MTX2: variants seen among roughly 807,000 people sequenced by gnomAD.
MTX2 encodes the protein metaxin 2, also known as metaxin-2.
MTX2 carries 35 observed loss-of-function variants against 42.3 expected under a neutral mutation model. The observed-to-expected ratio is 0.83, with a 90% CI of 0.63 to 1.10. MTX2 has a LOEUF of 1.10. MTX2 is among the 50% of genes least tolerant of loss of function. The probability of loss-of-function intolerance (pLI) is 0.00; values close to 1 mark genes in which losing one functional copy is unlikely to be tolerated. For missense variants in MTX2, 307 were observed against 304.1 expected, an observed-to-expected ratio of 1.01 and a Z score of -0.07; for synonymous variants, 119 against 100.9, an observed-to-expected ratio of 1.18 and a Z score of -1.08.
At chr2:176,285,379 T>G (rs1488130318) in intron 1 of MTX2, among the ~76,000 whole-genome samples, 1 of 152,116 alleles carries the variant, frequency 6.6e-6, no homozygotes, top group Non-Finnish European at 1.5e-5. Context: ...TTCAGTGATT[T>G]TTAGTATATT....
At chr2:176,273,404 A>C (rs1692870125) in intron 1 of MTX2, among the ~76,000 whole-genome samples, 1 of 152,208 alleles carries the variant, frequency 6.6e-6, no homozygotes, top group Non-Finnish European at 1.5e-5. Context: ...GGTTGGAGTT[A>C]TGTATCTATA....
intron 1 of MTX2, among the ~76,000 whole-genome samples, chr2:176,285,233 T>C (rs1237800120): frequency 6.6e-6 from 1 of 152,072 alleles, no homozygotes; most frequent in African/African-American, 2.4e-5. Flanking sequence ...AAAATAATAA[T>C]AGTGTCTACC....
chr2:176,326,717 G>A, intron 4 of MTX2, 108 bp from the exon 5 acceptor site: 1 of 698,654 alleles, frequency 1.4e-6, no homozygotes, highest in Non-Finnish European at 2.3e-6. Flanking sequence ...ACAGTTTTAT[G>A]AAATCCCTAT....
chr2:176,317,597 T>C (rs1684478320), intron 3 of MTX2, among the ~76,000 whole-genome samples: 1 of 152,180 alleles, frequency 6.6e-6, no homozygotes, highest in Non-Finnish European at 1.5e-5. Flanking sequence ...TGTTTGTCAC[T>C]ATTCCTAGCC....
chr2:176,285,385 A>G (rs949395126), intron 1 of MTX2, among the ~76,000 whole-genome samples: 5 of 145,088 alleles, frequency 3.4e-5, no homozygotes, highest in Admixed American at 2.7e-4. Context: ...GATTTTTAGT[A>G]TATTTACATA....
rs1262839856 is a variant in MTX2, at chr2:176,323,466, T to TA, written c.208+4dup. The TA allele has an allele frequency of 6.2e-7, 1 of 1,608,300 alleles. No homozygotes were observed. On this transcript the variant is annotated splice_region_variant and intron_variant, in intron 4 of 9. Coordinates refer to ENST00000249442, the MANE Select transcript of MTX2 (RefSeq NM_006554.5). ...ATGCAGAATATATGTCTCCATCTGGTAAGTGTGTTTTTTTTTCTTCTCTGT... is the reference window on the plus strand; with the variant it reads ...ATGCAGAATATATGTCTCCATCTGGTAAAGTGTGTTTTTTTTTCTTCTCTGT...
At chr2:176,316,327 TG>T (rs1684437959) in intron 3 of MTX2, among the ~76,000 whole-genome samples, 1 of 152,136 alleles carries the variant, frequency 6.6e-6, no homozygotes, top group East Asian at 1.9e-4. Context: ...AGAGGAGAAA[TG>T]TCTTTTGGAA....
intron 8 of MTX2, among the ~76,000 whole-genome samples, chr2:176,329,775 T>TC (rs1268251293): frequency 6.6e-5 from 10 of 150,418 alleles, no homozygotes; most frequent in African/African-American, 2.4e-4. Flanking sequence ...AGGGTTTTTT[T>TC]TTTTTTTTAA....
chr2:176,328,434 T>G, intron 6 of MTX2, 49 bp downstream of exon 6: 1 of 1,175,110 alleles, frequency 8.5e-7, no homozygotes. Flanking sequence ...TCTCTCATTC[T>G]CATAAAATAT....
At position 176,303,200 on chromosome 2, in the gene MTX2, AATAAT is replaced by A. The variant is rs1238899307; in HGVS notation, c.135+5313_135+5317del. On this transcript the variant is annotated intron_variant, in intron 3 of 9. Coordinates refer to ENST00000249442, the MANE Select transcript of MTX2 (RefSeq NM_006554.5). Reference sequence around the variant, plus strand: ...TGACATGAGTGGACATATTTTAATAAATAATATAATATTTTATGAAAAAGATTTAA... The same window carrying A: ...TGACATGAGTGGACATATTTTAATAAATAATATTTTATGAAAAAGATTTAA... 3.3e-5 allele frequency among the ~76,000 whole-genome samples: 5 copies of A among 152,230 alleles called. No homozygotes were observed. The East Asian group carries it at 7.7e-4, about 23-fold the overall frequency.
intron 9 of MTX2, among the ~76,000 whole-genome samples, chr2:176,333,473 A>C (rs971706138): frequency 1.3e-5 from 2 of 151,816 alleles, no homozygotes; most frequent in African/African-American, 4.8e-5. Flanking sequence ...TAACAAAGGC[A>C]TACAGTTGTG....
chr2:176,269,803 G>T (rs973314942), intron 1 of MTX2, 134 bp downstream of exon 1: 7 of 1,101,798 alleles, frequency 6.4e-6, no homozygotes, highest in African/African-American at 1.6e-5. Flanking sequence ...AGGCGGGCAC[G>T]GACTACCAAC....
intron 1 of MTX2, among the ~76,000 whole-genome samples, chr2:176,276,957 G>C (rs1027926813): frequency 7.9e-5 from 12 of 151,994 alleles, no homozygotes; most frequent in Non-Finnish European, 1.2e-4. Flanking sequence ...AAAAAGAATG[G>C]TCGGAATATT....
At chr2:176,283,923 C>A (rs1223380205) in intron 1 of MTX2, among the ~76,000 whole-genome samples, 1 of 151,342 alleles carries the variant, frequency 6.6e-6, no homozygotes, top group African/African-American at 2.4e-5. Flanking sequence ...ATCTCATATT[C>A]ATTTTTAGTT....
At chr2:176,274,879 G>A (rs1045489042) in intron 1 of MTX2, among the ~76,000 whole-genome samples, 1 of 152,174 alleles carries the variant, frequency 6.6e-6, no homozygotes, top group Non-Finnish European at 1.5e-5. Context: ...GGTTAGAAAA[G>A]CTAGGAGGAA....
chr2:176,282,895 G>A (rs1693115640), intron 1 of MTX2, among the ~76,000 whole-genome samples: 1 of 151,878 alleles, frequency 6.6e-6, no homozygotes, highest in African/African-American at 2.4e-5. Flanking sequence ...ATAGAGACAG[G>A]GTTTCACCAT....
chr2:176,281,868 C>G (rs752066362), intron 1 of MTX2, among the ~76,000 whole-genome samples: 3 of 151,996 alleles, frequency 2.0e-5, no homozygotes, highest in African/African-American at 4.8e-5. Context: ...GATGCCTGCT[C>G]GAACATGCAT....
chr2:176,292,448 A>G (rs1693350514), intron 1 of MTX2, among the ~76,000 whole-genome samples: 1 of 152,178 alleles, frequency 6.6e-6, no homozygotes, highest in South Asian at 2.1e-4. Context: ...TCTTTTACAC[A>G]TGCTCAGGAG....
chr2:176,269,718 A>G (rs1575026354), intron 1 of MTX2, 49 bp downstream of exon 1: 1 of 1,560,896 alleles, frequency 6.4e-7, no homozygotes. Context: ...GGTCTCGGGG[A>G]GCCGCGTGGG....
Sources: gnomAD v4.1 joint callset for allele counts (sites outside exome capture counted in the v4.1 genomes callset) on GRCh38, gnomAD v4.1.1 for gene constraint, MANE v1.5 for transcripts, NCBI Gene and HGNC (gene_info 2026-07-23, HGNC 2026-07-21) for gene names.